TOMM70: variants seen among roughly 807,000 people sequenced by gnomAD.
TOMM70 encodes the protein mitochondrial import receptor subunit TOM70.
In TOMM70, 13 loss-of-function variants were observed where a neutral mutation model predicts 73.6. The ratio of observed to expected loss-of-function variants is 0.18; its 90% CI spans 0.11 to 0.28. The LOEUF (loss-of-function observed/expected upper bound fraction) is 0.28. TOMM70 is among the 10% of genes least tolerant of loss of function. The pLI is 1.00. For missense variants in TOMM70, 609 were observed against 747.5 expected (o/e 0.81, Z 2.16); for synonymous variants, 257 against 271.2 (o/e 0.95, Z 0.51).
intron 1 of TOMM70, among the ~76,000 whole-genome samples, chr3:100,392,068 A>G (rs1327433139): frequency 6.6e-6 from 1 of 152,200 alleles, no homozygotes; most frequent in Non-Finnish European, 1.5e-5. Flanking sequence ...CAGCACAATA[A>G]AATGCAGTAC....
intron 9 of TOMM70, among the ~76,000 whole-genome samples, chr3:100,370,700 A>G (rs1287613863): frequency 1.3e-5 from 2 of 152,230 alleles, no homozygotes; most frequent in African/African-American, 2.4e-5. Flanking sequence ...ATAAAGTTAC[A>G]TATACTATAT....
Position 100,391,478 on chromosome 3 carries a change from A to G in TOMM70, c.325-4500T>C, listed in dbSNP as rs374744541. 1.8e-4 allele frequency among the ~76,000 whole-genome samples: 28 copies of G among 152,326 alleles called. 1 individual carries two copies. The East Asian group carries it at 2.1e-3, about 12-fold the overall frequency. On this transcript the variant is annotated intron_variant, in intron 1 of 11. Coordinates refer to ENST00000284320, the MANE Select transcript of TOMM70 (RefSeq NM_014820.5). The stretch of plus-strand genomic sequence containing the variant: ...GCCTAGGCTAATGTATCTGTGTCTT[A>G]GTTTTTAACAAAGAAGTTTAAAAGT...
In TOMM70 at chr3:100,366,576, T is replaced by TA. The variant is rs1242694599; in HGVS notation, c.1674-860dup. Among the ~76,000 whole-genome samples, 371 of 152,244 alleles carry TA rather than the reference T, an allele frequency of 2.4e-3. 2 individuals are homozygous for TA. The highest frequency in any genetic ancestry group is 8.6e-3 in the African/African-American group (359 of 41,542). Reference sequence around the variant, plus strand: ...TATGGCAACGTGATAGGCTTATTTTTAAAAAAAACTTTTTTCAAGAGTTCA... The same window carrying TA: ...TATGGCAACGTGATAGGCTTATTTTTAAAAAAAAACTTTTTTCAAGAGTTCA... On this transcript the variant is annotated intron_variant, in intron 11 of 11. Transcript: ENST00000284320.
At chr3:100,373,970 A>T (rs1207922091) in intron 7 of TOMM70, among the ~76,000 whole-genome samples, 4 of 152,212 alleles carry the variant, frequency 2.6e-5, no homozygotes, top group Non-Finnish European at 4.4e-5. Flanking sequence ...TAGACATCAG[A>T]TAATTACCTT....
chr3:100,380,979 T>C (rs926379260), intron 5 of TOMM70, among the ~76,000 whole-genome samples: 1 of 152,168 alleles, frequency 6.6e-6, no homozygotes, highest in African/African-American at 2.4e-5. Context: ...GATAATAATA[T>C]TGTACCTTCT....
rs1706428887 is a variant in TOMM70 at position 100,364,669 on chromosome 3, C to T, written c.*895G>A. ...GCCTCGAGCTCCTGGTCTCAAGCCT[C>T]TTGCCTCAGCCTCCCTAGTAGCTGA... On this transcript the variant is annotated 3_prime_UTR_variant, in exon 12 of 12. Coordinates refer to ENST00000284320, the MANE Select transcript of TOMM70 (RefSeq NM_014820.5). 1 of 152,140 alleles carries T rather than the reference C, an allele frequency of 6.6e-6. No homozygotes were observed. 9.4% of individuals were successfully genotyped at this position (152,140 alleles called of 1,614,324 possible).
chr3:100,396,990 A>C (rs1706832952), intron 1 of TOMM70, among the ~76,000 whole-genome samples: 1 of 152,258 alleles, frequency 6.6e-6, no homozygotes, highest in Non-Finnish European at 1.5e-5. Flanking sequence ...AACATAAGCC[A>C]AAAGACAAAA....
intron 11 of TOMM70, among the ~76,000 whole-genome samples, chr3:100,366,509 A>AGGTACCACTAG (rs1255487667): frequency 6.6e-6 from 1 of 152,242 alleles, no homozygotes; most frequent in African/African-American, 2.4e-5. Context: ...TGCCAGTAAG[A>AGGTACCACTAG]GGTACCACTA....
intron 7 of TOMM70, among the ~76,000 whole-genome samples, chr3:100,374,478 TCC>T: frequency 6.6e-6 from 1 of 152,296 alleles, no homozygotes; most frequent in Non-Finnish European, 1.5e-5. Context: ...CATAATGCAT[TCC>T]AAGAAGCCAT....
intron 1 of TOMM70, among the ~76,000 whole-genome samples, chr3:100,391,360 G>A (rs1706759659): frequency 6.6e-6 from 1 of 152,182 alleles, no homozygotes; most frequent in Non-Finnish European, 1.5e-5. Context: ...CATAAGAGAT[G>A]ACAGATCCAT....
At chr3:100,388,579 C>T (rs1262427112) in intron 1 of TOMM70, among the ~76,000 whole-genome samples, 1 of 152,112 alleles carries the variant, frequency 6.6e-6, no homozygotes, top group African/African-American at 2.4e-5. Flanking sequence ...ATGACAGTGA[C>T]AGGGCATACC....
chr3:100,380,866 G>A (rs1706625884), intron 5 of TOMM70, among the ~76,000 whole-genome samples: 1 of 152,096 alleles, frequency 6.6e-6, no homozygotes, highest in Non-Finnish European at 1.5e-5. Flanking sequence ...AAAGCCATTT[G>A]TTTCTTCAAA....
chr3:100,384,060 G>A (rs1048753256), intron 4 of TOMM70, among the ~76,000 whole-genome samples: 2 of 152,142 alleles, frequency 1.3e-5, no homozygotes, highest in Admixed American at 6.5e-5. Context: ...TAATAATATA[G>A]AAAAATATTT....
intron 1 of TOMM70, among the ~76,000 whole-genome samples, chr3:100,393,198 G>A (rs1195729128): frequency 1.3e-5 from 2 of 150,966 alleles, no homozygotes; most frequent in African/African-American, 2.4e-5. Context: ...AAAAAAGATA[G>A]GGAACCAACC....
At position 100,377,930 on chromosome 3, in the gene TOMM70, C is replaced by T; in HGVS notation, c.885-18G>A. 1 of 1,596,590 alleles carries T rather than the reference C, an allele frequency of 6.3e-7. No homozygotes were observed. On this transcript the variant is annotated intron_variant, in intron 5 of 11. Coordinates refer to ENST00000284320, the MANE Select transcript of TOMM70 (RefSeq NM_014820.5). Reference sequence around the variant, plus strand: ...ATCCAGAACTGAAAATAAAAACAAACATAGGAAATTATTTACTAAGAAAAA... The same window carrying T: ...ATCCAGAACTGAAAATAAAAACAAATATAGGAAATTATTTACTAAGAAAAA...
chr3:100,371,259 A>ATTTTTT (rs61515802), intron 9 of TOMM70, among the ~76,000 whole-genome samples: 5 of 98,666 alleles, frequency 5.1e-5, no homozygotes, highest in African/African-American at 2.0e-4. Flanking sequence ...CAGCGATGGT[A>ATTTTTT]TTTTTTTTTT....
At chr3:100,385,421 A>C (rs1022673272) in intron 3 of TOMM70, among the ~76,000 whole-genome samples, 1 of 152,192 alleles carries the variant, frequency 6.6e-6, no homozygotes, top group African/African-American at 2.4e-5. Flanking sequence ...TGTTCTCTAA[A>C]ATACCCTCAT....
At chr3:100,375,196 C>G in intron 6 of TOMM70, 44 bp from the exon 7 acceptor site, 1 of 1,495,170 alleles carries the variant, frequency 6.7e-7, no homozygotes, top group Non-Finnish European at 8.9e-7. Context: ...ACTTTTTTTT[C>G]CCTCCAATCT....
rs2148887801 is a variant in TOMM70, at chr3:100,365,484, A to G, written c.*80T>C. ...AATACTGATTTCCACCATTCAACACAGTTCATGACAGTGTCTTTAGGGTTC... is the reference window on the plus strand; with the variant it reads ...AATACTGATTTCCACCATTCAACACGGTTCATGACAGTGTCTTTAGGGTTC... On this transcript the variant is annotated 3_prime_UTR_variant, in exon 12 of 12. Transcript: ENST00000284320. The G allele has an allele frequency of 2.6e-6, 4 of 1,540,242 alleles. No homozygotes were observed. The highest frequency in any genetic ancestry group is 3.6e-6 in the Non-Finnish European group (4 of 1,126,000).
Sources: gnomAD v4.1 joint callset for allele counts (sites outside exome capture counted in the v4.1 genomes callset) on GRCh38, gnomAD v4.1.1 for gene constraint, MANE v1.5 for transcripts, NCBI Gene and HGNC (gene_info 2026-07-23, HGNC 2026-07-21) for gene names.